The following TRPC6 variants were observed in gnomAD, a reference collection of about 807,000 sequenced individuals.
TRPC6 encodes the protein short transient receptor potential channel 6.
TRPC6 carries 55 observed loss-of-function variants against 90.7 expected under a neutral mutation model. That is an observed-to-expected ratio of 0.61 (90% CI 0.49 to 0.76). TRPC6 has a LOEUF of 0.76. Among genes scored for constraint, TRPC6 ranks in the 30% least tolerant of loss-of-function variants. The pLI is 0.00. For missense variants in TRPC6, 989 were observed against 1,122.7 expected (o/e 0.88, Z 1.70); for synonymous variants, 393 against 393.0 (o/e 1.00, Z 0.00).
chr11:101,493,341 C>T (rs1859872283), intron 2 of TRPC6, among the ~76,000 whole-genome samples: 1 of 152,164 alleles, frequency 6.6e-6, no homozygotes, highest in Non-Finnish European at 1.5e-5. Context: ...TCCTGGGCCT[C>T]ATGTCCAACC....
At chr11:101,530,738 G>A (rs990423369) in intron 1 of TRPC6, among the ~76,000 whole-genome samples, 35 of 152,284 alleles carry the variant, frequency 2.3e-4, no homozygotes, top group African/African-American at 7.9e-4. Context: ...CTGGTAACAG[G>A]CCTGCCAACC....
In TRPC6 at chr11:101,469,517, A is replaced by G. The variant is rs1363618556; in HGVS notation, c.2410-16T>C. Reference sequence around the variant, plus strand: ...CTTCATTTATCTTTTAAAGATAGATAGTAAAATGAGTATAACTGCATAACC... The same window carrying G: ...CTTCATTTATCTTTTAAAGATAGATGGTAAAATGAGTATAACTGCATAACC... On this transcript the variant is annotated splice_polypyrimidine_tract_variant and intron_variant, in intron 9 of 12. Transcript: ENST00000344327. 4.0e-6 allele frequency: 3 copies of G among 744,316 alleles called. No individual in the cohort carries two copies. In the Admixed American group the frequency reaches 5.5e-5, roughly 14 times the overall value. 46.1% of individuals were successfully genotyped at this position (744,316 alleles called of 1,614,324 possible).
chr11:101,512,438 G>A (rs1441566818), intron 1 of TRPC6, among the ~76,000 whole-genome samples: 1 of 152,214 alleles, frequency 6.6e-6, no homozygotes, highest in Non-Finnish European at 1.5e-5. Context: ...AACTCAAACT[G>A]TGTGAGAGAA....
chr11:101,471,843 T>A (rs1859298896), intron 8 of TRPC6, among the ~76,000 whole-genome samples: 1 of 152,214 alleles, frequency 6.6e-6, no homozygotes, highest in Non-Finnish European at 1.5e-5. Flanking sequence ...AATAATTTTT[T>A]GAATAAAATA....
In TRPC6 at chr11:101,452,905, T is replaced by C. The variant is rs199776453; in HGVS notation, c.*50A>G. ...CTTAAGAAAATAAATCAGAAAATAA[T>C]ATGGCTTCAAGTGGACAAATAAATA... On this transcript the variant is annotated 3_prime_UTR_variant, in exon 13 of 13. Coordinates refer to ENST00000344327, the MANE Select transcript of TRPC6 (RefSeq NM_004621.6). The C allele has an allele frequency of 4.4e-5, 70 of 1,606,640 alleles. No individual in the cohort carries two copies. In the Middle Eastern group the frequency reaches 6.7e-4, roughly 15 times the overall value.
intron 10 of TRPC6, among the ~76,000 whole-genome samples, chr11:101,465,672 C>T (rs2136658338): frequency 6.6e-6 from 1 of 152,242 alleles, no homozygotes; most frequent in East Asian, 1.9e-4. Flanking sequence ...ACTGGTTATT[C>T]TAGTTAGAAC....
intron 1 of TRPC6, among the ~76,000 whole-genome samples, chr11:101,514,763 G>A (rs1860478391): frequency 6.6e-6 from 1 of 152,122 alleles, no homozygotes; most frequent in African/African-American, 2.4e-5. Flanking sequence ...CTGGAGTGCT[G>A]CCCCAAAAGG....
intron 7 of TRPC6, 131 bp from the exon 8 acceptor site, chr11:101,472,463 A>C: frequency 2.4e-6 from 2 of 827,140 alleles, no homozygotes; most frequent in Non-Finnish European, 3.7e-6. Context: ...ACTTCTCTGA[A>C]GCTCACTTTT....
chr11:101,552,694 T>G (rs2096853484), intron 1 of TRPC6, among the ~76,000 whole-genome samples: 1 of 152,096 alleles, frequency 6.6e-6, no homozygotes, highest in Admixed American at 6.6e-5. Context: ...TCCATCTAAT[T>G]AAGATGATAA....
At chr11:101,575,726 T>A (rs903830261) in intron 1 of TRPC6, among the ~76,000 whole-genome samples, 1 of 152,170 alleles carries the variant, frequency 6.6e-6, no homozygotes, top group East Asian at 1.9e-4. Flanking sequence ...CCTCCAAAGA[T>A]GGCTAAGATT....
intron 5 of TRPC6, among the ~76,000 whole-genome samples, chr11:101,482,692 T>A (rs1859579061): frequency 6.6e-6 from 1 of 152,196 alleles, no homozygotes; most frequent in Non-Finnish European, 1.5e-5. Flanking sequence ...ACTGGTGGGA[T>A]GTGATTGATA....
rs71056611 is a variant in TRPC6 at position 101,491,836 on chromosome 11, C to CTTTTTTTTTT, written c.946-108_946-99dup. ...GATTTTATACTTTAAGAGAAACATT[C>CTTTTTTTTTT]TTTTTTTTTTTTTTTTTTTTTTGAG... is the stretch of plus-strand genomic sequence containing the variant. On this transcript the variant is annotated intron_variant, in intron 2 of 12. Coordinates refer to ENST00000344327, the MANE Select transcript of TRPC6 (RefSeq NM_004621.6). 11 of 445,040 alleles carry CTTTTTTTTTT rather than the reference C, an allele frequency of 2.5e-5. No homozygotes were observed. The African/African-American group carries it at 3.1e-4, about 13-fold the overall frequency. 27.6% of individuals were successfully genotyped at this position (445,040 alleles called of 1,614,324 possible). A position where few individuals can be genotyped will look rare whatever the true frequency, so the allele number is the denominator to read the frequency against.
rs1470319691 is a variant in TRPC6, at chr11:101,583,962, A to G, written c.-459T>C. 1 of 155,734 alleles carries G rather than the reference A, an allele frequency of 6.4e-6. No homozygotes were observed. The highest frequency in any genetic ancestry group is 1.4e-5 in the Non-Finnish European group (1 of 70,614). 9.6% of individuals were successfully genotyped at this position (155,734 alleles called of 1,614,324 possible). A position where few individuals can be genotyped will look rare whatever the true frequency, so the allele number is the denominator to read the frequency against. Reference sequence around the variant, plus strand: ...AAGGGATCCGAGCGACGTTCTAGAAAGCAGCCAAAGCCTGTCCTGTAGCCA... The same window carrying G: ...AAGGGATCCGAGCGACGTTCTAGAAGGCAGCCAAAGCCTGTCCTGTAGCCA... On this transcript the variant is annotated 5_prime_UTR_variant, in exon 1 of 13. Coordinates refer to ENST00000344327, the MANE Select transcript of TRPC6 (RefSeq NM_004621.6).
intron 1 of TRPC6, among the ~76,000 whole-genome samples, chr11:101,526,158 ATC>A (rs551385343): frequency 1.3e-5 from 2 of 151,684 alleles, no homozygotes; most frequent in East Asian, 1.9e-4. Context: ...ATAAATATGA[ATC>A]TCTCTCTCTC....
intron 1 of TRPC6, among the ~76,000 whole-genome samples, chr11:101,582,852 G>A (rs1008387906): frequency 6.6e-6 from 1 of 152,096 alleles, no homozygotes; most frequent in African/African-American, 2.4e-5. Flanking sequence ...TAAGCCAAGC[G>A]TGGAGACCGC....
intron 1 of TRPC6, among the ~76,000 whole-genome samples, chr11:101,523,003 T>C (rs1415409322): frequency 6.6e-6 from 1 of 152,238 alleles, no homozygotes; most frequent in African/African-American, 2.4e-5. Flanking sequence ...TAGTATATTG[T>C]GGACTAATTT....
chr11:101,577,234 C>T (rs1473690318), intron 1 of TRPC6, among the ~76,000 whole-genome samples: 5 of 152,184 alleles, frequency 3.3e-5, no homozygotes, highest in African/African-American at 7.2e-5. Flanking sequence ...ATTCTTTCTG[C>T]GTTCTAGACC....
At chr11:101,486,931 T>C (rs1156926525) in intron 4 of TRPC6, among the ~76,000 whole-genome samples, 1 of 152,106 alleles carries the variant, frequency 6.6e-6, no homozygotes, top group African/African-American at 2.4e-5. Context: ...AAAATAGGTT[T>C]TGGATAGGAG....
intron 7 of TRPC6, among the ~76,000 whole-genome samples, chr11:101,472,540 A>G (rs1859316526): frequency 6.6e-6 from 1 of 152,178 alleles, no homozygotes; most frequent in Non-Finnish European, 1.5e-5. Flanking sequence ...TATGAAGTAC[A>G]TAATCATAGC....
Sources: allele counts gnomAD v4.1 joint callset (sites outside exome capture counted in the v4.1 genomes callset), GRCh38; gene constraint gnomAD v4.1.1; transcripts MANE v1.5; gene names NCBI Gene and HGNC (gene_info 2026-07-23, HGNC 2026-07-21).